MAGI1: variants seen among roughly 807,000 people sequenced by gnomAD.
The protein encoded by MAGI1 is membrane-associated guanylate kinase, WW and PDZ domain-containing protein 1.
MAGI1 carries 58 observed loss-of-function variants against 139.9 expected under a neutral mutation model. The ratio of observed to expected loss-of-function variants is 0.41; its 90% CI spans 0.34 to 0.52. The LOEUF (loss-of-function observed/expected upper bound fraction) is 0.52, where lower values mean the gene tolerates loss of function less well. Among genes scored for constraint, MAGI1 ranks in the 20% least tolerant of loss-of-function variants. The pLI is 0.12. For synonymous variants in MAGI1, 812 were observed against 737.9 expected, an observed-to-expected ratio of 1.10 and a Z score of -1.63; for missense variants, 1,874 against 1,901.6, an observed-to-expected ratio of 0.99 and a Z score of 0.27.
intron 1 of MAGI1, among the ~76,000 whole-genome samples, chr3:65,859,643 C>G (rs13062374): frequency 0.14 from 21,204 of 151,436 alleles, 1,558 homozygotes; most frequent in African/African-American, 0.17. Flanking sequence ...ATCACTCGAA[C>G]CTGGGAGGCA....
At chr3:65,628,500 A>G (rs1237749599) in intron 1 of MAGI1, among the ~76,000 whole-genome samples, 1 of 152,190 alleles carries the variant, frequency 6.6e-6, no homozygotes, top group African/African-American at 2.4e-5. Flanking sequence ...AAAGCTGCCC[A>G]CCGGAGAAGC....
intron 1 of MAGI1, among the ~76,000 whole-genome samples, chr3:65,629,723 G>A (rs1031349555): frequency 3.3e-5 from 5 of 152,078 alleles, no homozygotes; most frequent in African/African-American, 4.8e-5. Context: ...AAGGATGTTT[G>A]CTACTTGCTT....
intron 1 of MAGI1, among the ~76,000 whole-genome samples, chr3:66,029,022 T>C (rs1305096466): frequency 2.6e-5 from 4 of 152,190 alleles, no homozygotes; most frequent in Non-Finnish European, 5.9e-5. Flanking sequence ...GTTTACTTTC[T>C]ACTTTTCCAA....
At chr3:65,465,466 T>C (rs562823351) in intron 5 of MAGI1, among the ~76,000 whole-genome samples, 1 of 152,192 alleles carries the variant, frequency 6.6e-6, no homozygotes, top group South Asian at 2.1e-4. Context: ...TCTAAGAATA[T>C]TTTCATTTTC....
chr3:65,886,631 G>A (rs766871104), intron 1 of MAGI1, among the ~76,000 whole-genome samples: 2 of 152,152 alleles, frequency 1.3e-5, no homozygotes, highest in Non-Finnish European at 2.9e-5. Flanking sequence ...TCTTGTCTCC[G>A]TCTCACTAGC....
intron 1 of MAGI1, among the ~76,000 whole-genome samples, chr3:65,722,241 T>C (rs745738774): frequency 1.3e-5 from 2 of 152,194 alleles, no homozygotes; most frequent in Non-Finnish European, 2.9e-5. Context: ...AGTTGATTTG[T>C]CACTATCCAC....
chr3:65,977,016 C>T (rs1259616146), intron 1 of MAGI1, among the ~76,000 whole-genome samples: 3 of 152,206 alleles, frequency 2.0e-5, no homozygotes, highest in Admixed American at 2.0e-4. Flanking sequence ...GAAACCATCT[C>T]AGCAGGTAAT....
intron 1 of MAGI1, among the ~76,000 whole-genome samples, chr3:65,800,297 G>T (rs2040432320): frequency 6.6e-6 from 1 of 152,200 alleles, no homozygotes; most frequent in South Asian, 2.1e-4. Flanking sequence ...TGTCAGGGTA[G>T]TTCAATGTAG....
intron 2 of MAGI1, among the ~76,000 whole-genome samples, chr3:65,576,055 T>C (rs2081161598): frequency 1.3e-5 from 2 of 152,198 alleles, no homozygotes; most frequent in East Asian, 1.9e-4. Context: ...GGACAGGATA[T>C]TGTATATTAA....
chr3:65,375,467 G>A (rs1050882202), intron 18 of MAGI1, among the ~76,000 whole-genome samples: 1 of 152,126 alleles, frequency 6.6e-6, no homozygotes, highest in Non-Finnish European at 1.5e-5. Context: ...GATTACAGGC[G>A]TGAGCCACCG....
intron 1 of MAGI1, among the ~76,000 whole-genome samples, chr3:65,793,840 C>CA (rs1366243966): frequency 6.6e-6 from 1 of 152,244 alleles, no homozygotes; most frequent in Non-Finnish European, 1.5e-5. Flanking sequence ...TCTGCACCAA[C>CA]ATCATATAGA....
In MAGI1 at chr3:65,379,547, T is replaced by C; in HGVS notation, c.2709A>G (p.Lys903=). 1 of 1,608,738 alleles carries C rather than the reference T, an allele frequency of 6.2e-7. No individual in the cohort carries two copies. The highest frequency in any genetic ancestry group is 8.5e-7 in the Non-Finnish European group (1 of 1,175,820). The change falls in exon 17 of 23, where the codon AAA becomes AAG. Residue 903 remains lysine (K), a synonymous_variant. Coordinates refer to ENST00000402939, the MANE Select transcript of MAGI1 (RefSeq NM_001033057.2). ...VRRKVVFAVP[K]TENEVPSPAS... is the part of the protein sequence containing the mutation. ...CTGGCGAGGGCACCTCGTTCTCGGT[T>C]TTGGGCACTGTAGCAGAGAGATGCA... is the stretch of plus-strand genomic sequence containing the variant.
intron 2 of MAGI1, chr3:65,619,813 T>C (rs1440051735): frequency 1.1e-5 from 11 of 976,406 alleles, no homozygotes; most frequent in African/African-American, 1.7e-5. Flanking sequence ...CTGAATTTCC[T>C]TCCCATTTTA....
intron 5 of MAGI1, among the ~76,000 whole-genome samples, chr3:65,468,988 A>AATAAATGT (rs1950376907): frequency 6.6e-6 from 1 of 151,330 alleles, no homozygotes; most frequent in Non-Finnish European, 1.5e-5. Context: ...TAAATAAATA[A>AATAAATGT]ATGTGTGTAT....
intron 1 of MAGI1, among the ~76,000 whole-genome samples, chr3:65,860,494 C>A (rs889285418): frequency 2.6e-5 from 4 of 152,176 alleles, no homozygotes; most frequent in Admixed American, 1.3e-4. Flanking sequence ...AGCCACCGAT[C>A]CGGGCAGCCC....
At chr3:65,669,059 C>T (rs979101788) in intron 1 of MAGI1, among the ~76,000 whole-genome samples, 1 of 152,078 alleles carries the variant, frequency 6.6e-6, no homozygotes, top group Non-Finnish European at 1.5e-5. Context: ...ACCTCAGCCT[C>T]CTGAGTAGCT....
At chr3:65,426,199 A>G (rs535899755) in intron 12 of MAGI1, among the ~76,000 whole-genome samples, 10 of 152,152 alleles carry the variant, frequency 6.6e-5, no homozygotes, top group Non-Finnish European at 1.0e-4. Context: ...GGTCCCGGCT[A>G]CTTGGGAGTA....
chr3:65,802,655 T>C (rs1176878225), intron 1 of MAGI1, among the ~76,000 whole-genome samples: 1 of 152,176 alleles, frequency 6.6e-6, no homozygotes, highest in Admixed American at 6.5e-5. Context: ...CTTTTGTTCA[T>C]TCCTGTAACA....
intron 2 of MAGI1, among the ~76,000 whole-genome samples, chr3:65,561,912 CGTTCAACCACA>C: frequency 6.6e-6 from 1 of 152,130 alleles, no homozygotes. Flanking sequence ...CAGATACTCT[CGTTCAACCACA>C]GTTTGACAAT....
Sources: allele counts gnomAD v4.1 joint callset (sites outside exome capture counted in the v4.1 genomes callset), GRCh38; gene constraint gnomAD v4.1.1; transcripts MANE v1.5; gene names NCBI Gene and HGNC (gene_info 2026-07-23, HGNC 2026-07-21).